The following NCAPG2 variants were observed in gnomAD, a reference collection of about 807,000 sequenced individuals.
The protein encoded by NCAPG2 is condensin-2 complex subunit G2.
A neutral mutation model predicts 141.1 loss-of-function variants in NCAPG2; 53 were observed. That is an observed-to-expected ratio of 0.38 (90% CI 0.30 to 0.47). NCAPG2 has a LOEUF of 0.47. NCAPG2 is among the 20% of genes least tolerant of loss of function. The pLI is 0.99. For synonymous variants in NCAPG2, 499 were observed against 490.7 expected (o/e 1.02, Z -0.22); for missense variants, 1,087 against 1,389.0 (o/e 0.78, Z 3.46).
At chr7:158,644,448 C>T (rs1409162608) in intron 26 of NCAPG2, 60 bp from the exon 27 acceptor site, 4 of 1,406,292 alleles carry the variant, frequency 2.8e-6, no homozygotes, top group East Asian at 4.6e-5. Flanking sequence ...AAGACAAACA[C>T]TCTGGTACAC....
chr7:158,689,930 C>T lies in NCAPG2; in HGVS notation c.561G>A (p.Trp187Ter). Residue 187 changes from tryptophan (W) to a stop codon, truncating the protein, a stop_gained, in exon 6 of 28, where the codon TGG becomes TGA. Transcript: ENST00000356309. LOFTEE classifies it high-confidence loss of function. ...TKTGADVCRL[W>*]RIHQALYCFD... is the part of the protein sequence containing the mutation. Reference sequence around the variant, plus strand: ...AGCAATATAAAGCTTGATGGATACGCCAAAGCCGACATACGTCTGCACCCT... The same window carrying T: ...AGCAATATAAAGCTTGATGGATACGTCAAAGCCGACATACGTCTGCACCCT... 6.3e-7 allele frequency: 1 copy of T among 1,595,428 alleles called. No individual in the cohort carries two copies. The highest frequency in any genetic ancestry group is 8.5e-7 in the Non-Finnish European group (1 of 1,172,654).
intron 27 of NCAPG2, 52 bp downstream of exon 27, chr7:158,644,237 A>C: frequency 6.9e-7 from 1 of 1,449,076 alleles, no homozygotes; most frequent in African/African-American, 1.4e-5. Context: ...GCAGATCCAA[A>C]GAAGAATGAG....
intron 8 of NCAPG2, among the ~76,000 whole-genome samples, chr7:158,683,618 A>G (rs966596218): frequency 1.3e-4 from 20 of 148,614 alleles, no homozygotes; most frequent in Non-Finnish European, 3.0e-4. Context: ...ATTTGATGAA[A>G]TATCAAATCT....
chr7:158,664,208 G>GTCCTCTTCC lies in NCAPG2; in HGVS notation c.1782_1790dup (p.Glu594_Glu596dup), dbSNP rs777204062. The GTCCTCTTCC allele has an allele frequency of 3.1e-6, 5 of 1,611,932 alleles. No homozygotes were observed. Among genetic ancestry groups the GTCCTCTTCC allele is most frequent in the Non-Finnish European group, 3.4e-6 (4 of 1,178,158 alleles). On this transcript the variant is annotated inframe_insertion, in exon 15 of 28. Coordinates refer to ENST00000356309, the MANE Select transcript of NCAPG2 (RefSeq NM_017760.7). The stretch of plus-strand genomic sequence containing the variant: ...CAGTCACATTCTCCTTCTCCCTTCC[G>GTCCTCTTCC]TCCTCTTCCTCCTCGTCCTCTGGAG...
intron 5 of NCAPG2, 27 bp downstream of exon 5, chr7:158,690,541 C>T: frequency 6.2e-7 from 1 of 1,604,034 alleles, no homozygotes; most frequent in Non-Finnish European, 8.5e-7. Flanking sequence ...GAGACCCTGT[C>T]TTTAAAAAAA....
At chr7:158,668,586 A>G (rs1833455706) in intron 13 of NCAPG2, 1 of 257,070 alleles carries the variant, frequency 3.9e-6, no homozygotes, top group Non-Finnish European at 6.1e-6. Context: ...ACAAGATCGG[A>G]CATAGCAATA....
At chr7:158,658,058 T>C (rs1832151915) in intron 17 of NCAPG2, among the ~76,000 whole-genome samples, 1 of 151,670 alleles carries the variant, frequency 6.6e-6, no homozygotes, top group Non-Finnish European at 1.5e-5. Flanking sequence ...CAGAGACCTT[T>C]GTTCACTTGT....
At chr7:158,652,783 A>G (rs1402453538) in intron 22 of NCAPG2, among the ~76,000 whole-genome samples, 1 of 152,266 alleles carries the variant, frequency 6.6e-6, no homozygotes, top group African/African-American at 2.4e-5. Context: ...ACAGAAGTTC[A>G]GCAGTGTGGT....
chr7:158,643,744 C>T (rs1467500282), intron 27 of NCAPG2, among the ~76,000 whole-genome samples: 1 of 152,148 alleles, frequency 6.6e-6, no homozygotes, highest in Non-Finnish European at 1.5e-5. Flanking sequence ...AAAAGTCAAA[C>T]ACAATTCAAA....
intron 4 of NCAPG2, among the ~76,000 whole-genome samples, chr7:158,691,919 G>A (rs566270733): frequency 6.6e-6 from 1 of 152,342 alleles, no homozygotes; most frequent in African/African-American, 2.4e-5. Flanking sequence ...CATTGGTCCA[G>A]TAAGTCAGAC....
chr7:158,638,501 T>C (rs926520776), intron 27 of NCAPG2, among the ~76,000 whole-genome samples: 4 of 152,068 alleles, frequency 2.6e-5, no homozygotes, highest in Non-Finnish European at 4.4e-5. Context: ...TAGCCTCCCA[T>C]AGTGTTGGGA....
intron 11 of NCAPG2, among the ~76,000 whole-genome samples, chr7:158,679,359 A>C (rs1316448065): frequency 6.6e-6 from 1 of 152,264 alleles, no homozygotes; most frequent in East Asian, 1.9e-4. Flanking sequence ...CAGACTAAGT[A>C]GATGAAAAGA....
At chr7:158,641,986 C>G (rs546486044) in intron 27 of NCAPG2, among the ~76,000 whole-genome samples, 1 of 152,260 alleles carries the variant, frequency 6.6e-6, no homozygotes, top group South Asian at 2.1e-4. Context: ...CAAGAGAGAA[C>G]ACATTCTGAG....
intron 13 of NCAPG2, chr7:158,667,048 C>T (rs1231899848): frequency 7.1e-6 from 6 of 843,976 alleles, no homozygotes; most frequent in Non-Finnish European, 8.6e-6. Context: ...CAACAGCTGT[C>T]CTCTGGCCAG....
At chr7:158,669,672 G>T (rs1453855275) in intron 13 of NCAPG2, among the ~76,000 whole-genome samples, 1 of 147,874 alleles carries the variant, frequency 6.8e-6, no homozygotes, top group Non-Finnish European at 1.5e-5. Context: ...AGGAGGCTGA[G>T]GCAGGAGAAT....
intron 2 of NCAPG2, among the ~76,000 whole-genome samples, chr7:158,694,157 T>C (rs1341297154): frequency 6.6e-6 from 1 of 152,166 alleles, no homozygotes; most frequent in Non-Finnish European, 1.5e-5. Context: ...AGGGCTGCAG[T>C]GAGCTGTGAT....
At chr7:158,649,544 A>G (rs1190256227) in intron 24 of NCAPG2, among the ~76,000 whole-genome samples, 1 of 152,220 alleles carries the variant, frequency 6.6e-6, no homozygotes, top group African/African-American at 2.4e-5. Context: ...ATTTTTAGCT[A>G]CATAGCTCAC....
chr7:158,658,197 C>A, intron 17 of NCAPG2, 141 bp downstream of exon 17: 4 of 568,000 alleles, frequency 7.0e-6, no homozygotes, highest in South Asian at 5.6e-5. Flanking sequence ...TTCCCTACCA[C>A]AGGGAGAGGG....
chr7:158,667,219 C>G (rs1054193889), intron 13 of NCAPG2: 2 of 985,454 alleles, frequency 2.0e-6, no homozygotes, highest in East Asian at 1.1e-4. Flanking sequence ...CTGCCTTCTT[C>G]CTCTGCTCTG....
Sources: allele counts gnomAD v4.1 joint callset (sites outside exome capture counted in the v4.1 genomes callset), GRCh38; gene constraint gnomAD v4.1.1; transcripts MANE v1.5; gene names NCBI Gene and HGNC (gene_info 2026-07-23, HGNC 2026-07-21).